The following DLG2 variants were observed in gnomAD, a reference collection of about 807,000 sequenced individuals.
DLG2 encodes disks large homolog 2.
Under a neutral mutation model 132.5 loss-of-function variants are expected in DLG2, and 45 were observed. The ratio of observed to expected loss-of-function variants is 0.34; its 90% CI spans 0.27 to 0.44. The LOEUF (loss-of-function observed/expected upper bound fraction) is 0.44, where lower values mean the gene tolerates loss of function less well. DLG2 is among the 20% of genes least tolerant of loss of function. The probability of loss-of-function intolerance (pLI) is 1.00; values close to 1 mark genes in which losing one functional copy is unlikely to be tolerated. For synonymous variants in DLG2, 424 were observed against 419.6 expected, an observed-to-expected ratio of 1.01 and a Z score of -0.13; for missense variants, 1,045 against 1,196.9, an observed-to-expected ratio of 0.87 and a Z score of 1.87.
At chr11:84,786,881 A>C (rs2072986828) in intron 6 of DLG2, among the ~76,000 whole-genome samples, 1 of 152,162 alleles carries the variant, frequency 6.6e-6, no homozygotes, top group African/African-American at 2.4e-5. Context: ...CCTTCCTTTA[A>C]TTAGGGTCCC....
chr11:83,484,757 A>G (rs773293257), intron 21 of DLG2, among the ~76,000 whole-genome samples: 21 of 145,404 alleles, frequency 1.4e-4, no homozygotes, highest in Non-Finnish European at 2.3e-4. Flanking sequence ...CTTTTAAAAT[A>G]ATTTGAATTT....
At chr11:84,877,905 T>A (rs1157550891) in intron 6 of DLG2, among the ~76,000 whole-genome samples, 5 of 152,048 alleles carry the variant, frequency 3.3e-5, no homozygotes, top group African/African-American at 4.8e-5. Context: ...GGGAGAAGAA[T>A]ATAAACAGAC....
At chr11:85,044,099 T>C (rs1289655210) in intron 6 of DLG2, among the ~76,000 whole-genome samples, 7 of 152,004 alleles carry the variant, frequency 4.6e-5, no homozygotes, top group Admixed American at 4.6e-4. Context: ...GCTGTTACTT[T>C]GCCCCATTCA....
At chr11:84,990,221 A>G (rs1019979124) in intron 6 of DLG2, among the ~76,000 whole-genome samples, 5 of 152,250 alleles carry the variant, frequency 3.3e-5, no homozygotes, top group African/African-American at 1.2e-4. Context: ...GAATGTAATG[A>G]TGAAATATCA....
At chr11:83,589,351 A>ATTTCTTT in intron 19 of DLG2, among the ~76,000 whole-genome samples, 2 of 145,974 alleles carry the variant, frequency 1.4e-5, no homozygotes, top group African/African-American at 5.0e-5. Context: ...TTCTTAAAGA[A>ATTTCTTT]AAGAATTTTC....
chr11:85,361,283 G>A (rs988875264), intron 3 of DLG2, among the ~76,000 whole-genome samples: 1 of 151,182 alleles, frequency 6.6e-6, no homozygotes, highest in Non-Finnish European at 1.5e-5. Flanking sequence ...AGCCTCCCGA[G>A]TAGCTGCTTA....
intron 2 of DLG2, among the ~76,000 whole-genome samples, chr11:85,608,991 T>C (rs2080794091): frequency 1.3e-5 from 2 of 152,198 alleles, no homozygotes; most frequent in African/African-American, 4.8e-5. Context: ...ACAAATTCCC[T>C]ACTGACCAGC....
At chr11:84,905,281 T>C (rs1413765676) in intron 6 of DLG2, among the ~76,000 whole-genome samples, 1 of 152,208 alleles carries the variant, frequency 6.6e-6, no homozygotes, top group Non-Finnish European at 1.5e-5. Context: ...CTTTTTCTAC[T>C]TCTTTAGTCT....
intron 18 of DLG2, among the ~76,000 whole-genome samples, chr11:83,728,680 T>C (rs747980547): frequency 7.9e-5 from 12 of 152,244 alleles, no homozygotes; most frequent in Non-Finnish European, 1.3e-4. Flanking sequence ...CCCGGACACA[T>C]CTAAGCAGTT....
intron 14 of DLG2, among the ~76,000 whole-genome samples, chr11:83,949,387 T>C (rs1374421361): frequency 6.8e-6 from 1 of 147,960 alleles, no homozygotes; most frequent in African/African-American, 2.5e-5. Flanking sequence ...GATTAATGTC[T>C]TTTTAGATTA....
chr11:84,321,362 A>G (rs185593132), intron 7 of DLG2, among the ~76,000 whole-genome samples: 2 of 152,310 alleles, frequency 1.3e-5, no homozygotes, highest in African/African-American at 2.4e-5. Flanking sequence ...AAATGCAATT[A>G]TGATCAGGTC....
At chr11:84,096,788 T>A (rs564922960) in intron 10 of DLG2, among the ~76,000 whole-genome samples, 1 of 152,274 alleles carries the variant, frequency 6.6e-6, no homozygotes, top group South Asian at 2.1e-4. Flanking sequence ...CTAGTGGGGA[T>A]ATGTCCTCAT....
At chr11:85,597,576 CT>C (rs1319463753) in intron 3 of DLG2, among the ~76,000 whole-genome samples, 1 of 151,710 alleles carries the variant, frequency 6.6e-6, no homozygotes, top group Admixed American at 6.6e-5. Context: ...TCCTGTAAAG[CT>C]TTACACTTCT....
At chr11:85,144,267 C>T (rs2076689809) in intron 5 of DLG2, among the ~76,000 whole-genome samples, 1 of 150,860 alleles carries the variant, frequency 6.6e-6, no homozygotes, top group Non-Finnish European at 1.5e-5. Flanking sequence ...TCTTAGTTTA[C>T]ATTTGTACAG....
intron 11 of DLG2, among the ~76,000 whole-genome samples, chr11:84,014,578 C>T (rs1337660464): frequency 2.0e-5 from 3 of 152,186 alleles, no homozygotes; most frequent in Non-Finnish European, 4.4e-5. Context: ...GTGCCAGGCA[C>T]ATTGTCTGAA....
At chr11:83,667,220 A>G (rs985080722) in intron 18 of DLG2, among the ~76,000 whole-genome samples, 2 of 152,196 alleles carry the variant, frequency 1.3e-5, no homozygotes, top group Admixed American at 1.3e-4. Flanking sequence ...AGTGTATCCA[A>G]TGAGTTTTCA....
At chr11:83,497,419 C>T (rs922459775) in intron 21 of DLG2, among the ~76,000 whole-genome samples, 13 of 152,080 alleles carry the variant, frequency 8.5e-5, no homozygotes, top group Non-Finnish European at 1.9e-4. Flanking sequence ...CCTGTAGTCC[C>T]ATCTACTCAG....
At chr11:84,541,597 C>T (rs1281060571) in intron 6 of DLG2, among the ~76,000 whole-genome samples, 3 of 152,048 alleles carry the variant, frequency 2.0e-5, no homozygotes, top group Admixed American at 2.0e-4. Flanking sequence ...CCCCTAGTAG[C>T]CCACAAATGC....
intron 7 of DLG2, chr11:84,316,894 C>A (rs777211142): frequency 1.2e-5 from 19 of 1,612,732 alleles, no homozygotes; most frequent in Non-Finnish European, 1.6e-5. Flanking sequence ...CCTTGGTGCT[C>A]GTCTTGTGGG....
Sources: gnomAD v4.1 joint callset for allele counts (sites outside exome capture counted in the v4.1 genomes callset) on GRCh38, gnomAD v4.1.1 for gene constraint, MANE v1.5 for transcripts, NCBI Gene and HGNC (gene_info 2026-07-23, HGNC 2026-07-21) for gene names.